LRRTM4: variants seen among roughly 807,000 people sequenced by gnomAD.
The protein encoded by LRRTM4 is leucine rich repeat transmembrane neuronal 4, also known as leucine-rich repeat transmembrane neuronal protein 4.
In LRRTM4, 25 loss-of-function variants were observed where a neutral mutation model predicts 47.6. The ratio of observed to expected loss-of-function variants is 0.53; its 90% CI spans 0.38 to 0.73. The LOEUF is 0.73. LRRTM4 is among the 30% of genes least tolerant of loss of function. The probability of loss-of-function intolerance (pLI) is 0.00; values close to 1 mark genes in which losing one functional copy is unlikely to be tolerated. For synonymous variants in LRRTM4, 311 were observed against 269.5 expected (o/e 1.15, Z -1.51); for missense variants, 638 against 713.4 (o/e 0.89, Z 1.20).
At position 77,352,797 on chromosome 2, in the gene LRRTM4, T is replaced by C. The variant is rs184363744; in HGVS notation, c.1551+165521A>G. ...AGTACAAGCTATTATAAATGCCTTTTCAGTGAAAGAAGACTAATAGAGAAA... is the reference window on the plus strand; with the variant it reads ...AGTACAAGCTATTATAAATGCCTTTCCAGTGAAAGAAGACTAATAGAGAAA... On this transcript the variant is annotated intron_variant, in intron 3 of 3. Transcript: ENST00000409884. 3.4e-4 allele frequency among the ~76,000 whole-genome samples: 51 copies of C among 152,130 alleles called. 1 individual carries two copies. Among genetic ancestry groups the C allele is most frequent in the Admixed American group, 2.6e-3 (39 of 15,266 alleles).
intron 3 of LRRTM4, among the ~76,000 whole-genome samples, chr2:77,094,024 T>C (rs1199939922): frequency 6.6e-6 from 1 of 152,140 alleles, no homozygotes; most frequent in Non-Finnish European, 1.5e-5. Flanking sequence ...CTGACTCTTT[T>C]CGGATTGTTT....
Position 76,748,920 on chromosome 2 carries a change from G to T in LRRTM4, c.1552-4C>A. On this transcript the variant is annotated splice_polypyrimidine_tract_variant and splice_region_variant and intron_variant, in intron 3 of 3. Coordinates refer to ENST00000409884, the MANE Select transcript of LRRTM4 (RefSeq NM_001134745.3). ...AGGGCTTCATGTGGTGTGGCATCTG[G>T]ATATGAGAAATAGAAAGATGGGTGG... 6.2e-7 allele frequency: 1 copy of T among 1,611,430 alleles called. No homozygotes were observed. Among genetic ancestry groups the T allele is most frequent in the Non-Finnish European group, 8.5e-7 (1 of 1,177,730 alleles).
chr2:77,403,605 A>G (rs186071185), intron 3 of LRRTM4, among the ~76,000 whole-genome samples: 2 of 151,966 alleles, frequency 1.3e-5, no homozygotes, highest in South Asian at 2.1e-4. Context: ...TAAATATTTA[A>G]TGAATGTTTT....
At chr2:77,333,395 T>G (rs922959919) in intron 3 of LRRTM4, among the ~76,000 whole-genome samples, 1 of 152,138 alleles carries the variant, frequency 6.6e-6, no homozygotes, top group Non-Finnish European at 1.5e-5. Flanking sequence ...TTGACCAAAA[T>G]GCTGATAATG....
intron 3 of LRRTM4, among the ~76,000 whole-genome samples, chr2:77,254,469 C>T (rs574453816): frequency 6.6e-6 from 1 of 151,596 alleles, no homozygotes; most frequent in South Asian, 2.1e-4. Flanking sequence ...AATAAAGGAA[C>T]AAACCTTGGA....
chr2:76,935,124 A>C (rs1674899504), intron 3 of LRRTM4, among the ~76,000 whole-genome samples: 1 of 152,218 alleles, frequency 6.6e-6, no homozygotes, highest in South Asian at 2.1e-4. Flanking sequence ...CAAGAGCAGG[A>C]AAGACAAAAT....
intron 3 of LRRTM4, among the ~76,000 whole-genome samples, chr2:76,979,362 T>C (rs955376354): frequency 1.3e-5 from 2 of 151,852 alleles, no homozygotes; most frequent in Admixed American, 1.3e-4. Context: ...AATTTAGGTT[T>C]TACATACTAA....
intron 3 of LRRTM4, among the ~76,000 whole-genome samples, chr2:77,223,037 G>C (rs918405542): frequency 3.3e-5 from 5 of 152,120 alleles, no homozygotes; most frequent in Admixed American, 2.6e-4. Flanking sequence ...TCTCTGGGAT[G>C]CAAGGCTGGT....
rs1674520581 is a variant in LRRTM4, at chr2:76,924,251, G to A, written c.1552-175335C>T. Among the ~76,000 whole-genome samples, 4 of 152,060 alleles carry A rather than the reference G, an allele frequency of 2.6e-5. No homozygotes were observed. The South Asian group carries it at 8.3e-4, about 32-fold the overall frequency. On this transcript the variant is annotated intron_variant, in intron 3 of 3. Coordinates refer to ENST00000409884, the MANE Select transcript of LRRTM4 (RefSeq NM_001134745.3). ...TATATATAATAGGTCTCATAATCAT[G>A]AGACTGGAACTAAGGTACTGAAATT...
chr2:77,504,173 AAACT>A (rs1678677242), intron 3 of LRRTM4, among the ~76,000 whole-genome samples: 1 of 151,694 alleles, frequency 6.6e-6, no homozygotes, highest in African/African-American at 2.4e-5. Flanking sequence ...TCAGGTCAGC[AAACT>A]AACACATGAG....
At chr2:77,037,005 G>A (rs911599140) in intron 3 of LRRTM4, among the ~76,000 whole-genome samples, 22 of 151,506 alleles carry the variant, frequency 1.5e-4, no homozygotes, top group Admixed American at 3.3e-4. Context: ...CTAGGGATTC[G>A]TCTACCAATT....
intron 3 of LRRTM4, among the ~76,000 whole-genome samples, chr2:76,894,312 A>G (rs17013306): frequency 0.095 from 14,502 of 152,120 alleles, 1,146 homozygotes; most frequent in East Asian, 0.41. Flanking sequence ...TAATTTGACA[A>G]CATGGCATAG....
chr2:76,977,478 T>C (rs1490484968), intron 3 of LRRTM4, among the ~76,000 whole-genome samples: 1 of 151,878 alleles, frequency 6.6e-6, no homozygotes, highest in African/African-American at 2.4e-5. Flanking sequence ...GTTCTCAATA[T>C]GAAACTAAAA....
intron 3 of LRRTM4, among the ~76,000 whole-genome samples, chr2:76,863,260 T>C (rs1181697606): frequency 6.6e-6 from 1 of 152,226 alleles, no homozygotes; most frequent in Non-Finnish European, 1.5e-5. Context: ...AAGGTACTTA[T>C]GACTGTTTTG....
intron 3 of LRRTM4, among the ~76,000 whole-genome samples, chr2:76,910,281 G>A (rs1394713725): frequency 1.3e-5 from 2 of 148,224 alleles, no homozygotes; most frequent in African/African-American, 5.0e-5. Flanking sequence ...TCACTCATAG[G>A]TGGGAATTGA....
intron 3 of LRRTM4, among the ~76,000 whole-genome samples, chr2:76,904,132 G>C (rs1053133125): frequency 1.3e-5 from 2 of 152,180 alleles, no homozygotes; most frequent in African/African-American, 4.8e-5. Context: ...CAGGGTTCAT[G>C]AAGCATAGTA....
At chr2:77,394,272 T>C (rs290027) in intron 3 of LRRTM4, among the ~76,000 whole-genome samples, 57,137 of 151,888 alleles carry the variant, frequency 0.38, 11,316 homozygotes, top group East Asian at 0.6. Flanking sequence ...CAGGTTTTAA[T>C]GCAGGAAAAG....
rs572919276 is a variant in LRRTM4, at chr2:76,955,424, T to C, written c.1552-206508A>G. ...AGATTGTTACCATGATAAGGTGTTT[T>C]ATGTATGGTAATCATAAGAAAATAT... On this transcript the variant is annotated intron_variant, in intron 3 of 3. Coordinates refer to ENST00000409884, the MANE Select transcript of LRRTM4 (RefSeq NM_001134745.3). 1.8e-4 allele frequency among the ~76,000 whole-genome samples: 28 copies of C among 151,922 alleles called. No individual in the cohort carries two copies. In the East Asian group the frequency reaches 5.3e-3, roughly 29 times the overall value.
intron 3 of LRRTM4, among the ~76,000 whole-genome samples, chr2:77,028,678 A>G (rs115490728): frequency 0.011 from 1,619 of 152,110 alleles, 33 homozygotes; most frequent in African/African-American, 0.037. Context: ...AAATAAACAC[A>G]ATAAAAATAG....
Sources: allele counts gnomAD v4.1 joint callset (sites outside exome capture counted in the v4.1 genomes callset), GRCh38; gene constraint gnomAD v4.1.1; transcripts MANE v1.5; gene names NCBI Gene and HGNC (gene_info 2026-07-23, HGNC 2026-07-21).